KMT2B: variants seen among roughly 807,000 people sequenced by gnomAD.
KMT2B encodes lysine methyltransferase 2B.
In KMT2B, 22 loss-of-function variants were observed where a neutral mutation model predicts 255.3. That is an observed-to-expected ratio of 0.09 (90% CI 0.06 to 0.12). The LOEUF is 0.12. KMT2B is among the 10% of genes least tolerant of loss of function. The pLI, the probability that KMT2B is intolerant of heterozygous loss-of-function variation, is 1.00. For missense variants in KMT2B, 3,149 were observed against 3,737.0 expected (o/e 0.84, Z 4.10); for synonymous variants, 1,730 against 1,498.1 (o/e 1.15, Z -3.57).
At chr19:35,719,599 G>A (rs377578602) in intron 2 of KMT2B, 58 bp downstream of exon 2, 3 of 1,537,708 alleles carry the variant, frequency 2.0e-6, no homozygotes, top group South Asian at 2.3e-5. Context: ...CTCGCCCTTC[G>A]TGTCAGCTCT....
In KMT2B at chr19:35,724,137, A is replaced by G. The variant is rs1332762108; in HGVS notation, c.3334+130A>G. The G allele has an allele frequency of 7.9e-6, 7 of 890,326 alleles. No homozygotes were observed. In the Admixed American group the frequency reaches 8.7e-5, roughly 11 times the overall value. The allele number at this position is 890,326 out of a possible 1,614,324, so 55.2% of individuals were successfully genotyped here. On this transcript the variant is annotated intron_variant, in intron 8 of 36. Coordinates refer to ENST00000420124, the MANE Select transcript of KMT2B (RefSeq NM_014727.3). ...AGAAGGTGGCTGAGGGCGGAGGAGGAGACAGTTTTTAGGTGGATGTACAGA... is the reference window on the plus strand; with the variant it reads ...AGAAGGTGGCTGAGGGCGGAGGAGGGGACAGTTTTTAGGTGGATGTACAGA...
chr19:35,719,823 C>A lies in KMT2B; in HGVS notation c.476C>A (p.Thr159Asn). 6.2e-7 allele frequency: 1 copy of A among 1,608,528 alleles called. No homozygotes were observed. The highest frequency in any genetic ancestry group is 8.5e-7 in the Non-Finnish European group (1 of 1,177,940). ...GGTCGGGGTCGCAAGCATAAGACGA[C>A]CCCCCTTCCTCCTCCTCGCCTAGCA... ...PRGRGRKHKTTPLPPPRLADV... is the reference protein window; with the variant it reads ...PRGRGRKHKTNPLPPPRLADV... The change falls in exon 3 of 37, where the codon ACC becomes AAC. Residue 159 changes from threonine to asparagine, a missense_variant. By Grantham distance (65) the Thr-to-Asn change is moderately conservative. This residue lies in a region of KMT2B where 1,188 missense variants were observed against 1,106.4 expected (regional missense o/e 1.07). Transcript: ENST00000420124.
chr19:35,725,714 A>G lies in KMT2B; in HGVS notation c.3790-9A>G, dbSNP rs1415126519. 6.2e-7 allele frequency: 1 copy of G among 1,612,366 alleles called. No individual in the cohort carries two copies. The highest frequency in any genetic ancestry group is 8.5e-7 in the Non-Finnish European group (1 of 1,179,274). Reference sequence around the variant, plus strand: ...CAGGTTTCGCCATCTCTGTCTCCACATCCAACAGCACCTCCTGGAGTGCGA... The same window carrying G: ...CAGGTTTCGCCATCTCTGTCTCCACGTCCAACAGCACCTCCTGGAGTGCGA... On this transcript the variant is annotated splice_polypyrimidine_tract_variant and intron_variant, in intron 12 of 36. Coordinates refer to ENST00000420124, the MANE Select transcript of KMT2B (RefSeq NM_014727.3). The surrounding 1 kb of genome is among the most constrained non-coding windows in gnomAD (Gnocchi z 4.1).
At position 35,718,300 on chromosome 19, in the gene KMT2B, A is replaced by ACGGGGT. The variant is rs1969035037; in HGVS notation, c.288_293dup (p.Arg99_Gly100dup). On this transcript the variant is annotated inframe_insertion, in exon 1 of 37. Coordinates refer to ENST00000420124, the MANE Select transcript of KMT2B (RefSeq NM_014727.3). This position sits in a 1 kb window ranked among gnomAD's most constrained non-coding sequence, Gnocchi z 5.0. ...GCCCGCGGGTCCAGCGGGGCCGGGG[A>ACGGGGT]CGGGGTCGGGGCCGGGGCTGGGGCC... 6 of 1,228,676 alleles carry ACGGGGT rather than the reference A, an allele frequency of 4.9e-6. No homozygotes were observed. Among genetic ancestry groups the ACGGGGT allele is most frequent in the South Asian group, 4.1e-5 (1 of 24,218 alleles). 76.1% of individuals were successfully genotyped at this position (1,228,676 alleles called of 1,614,324 possible). A position where few individuals can be genotyped will look rare whatever the true frequency, so the allele number is the denominator to read the frequency against.
In KMT2B at chr19:35,732,149, A is replaced by C. The variant is rs750501253; in HGVS notation, c.5665+14A>C. 1.9e-6 allele frequency: 3 copies of C among 1,578,810 alleles called. No homozygotes were observed. In the South Asian group the frequency reaches 3.4e-5, roughly 18 times the overall value. ...TGCCCTCCCCTGGTGAGCACCGGGC[A>C]TGTGGGGGTTGGGGGTGGAGCCGCG... On this transcript the variant is annotated intron_variant, in intron 27 of 36. Coordinates refer to ENST00000420124, the MANE Select transcript of KMT2B (RefSeq NM_014727.3).
At chr19:35,726,376 G>A (rs1969444014) in intron 14 of KMT2B, 23 bp downstream of exon 14, 2 of 1,498,346 alleles carry the variant, frequency 1.3e-6, no homozygotes, top group Non-Finnish European at 1.9e-6. Flanking sequence ...CAGGGGAACT[G>A]GATGCTGGGG....
At position 35,733,584 on chromosome 19, in the gene KMT2B, C is replaced by G; in HGVS notation, c.6960-13C>G. 1 of 1,564,096 alleles carries G rather than the reference C, an allele frequency of 6.4e-7. No homozygotes were observed. The highest frequency in any genetic ancestry group is 8.7e-7 in the Non-Finnish European group (1 of 1,154,476). ...GGAGATGCGGCTCATCCTTCTCGGG[C>G]TCGCCCTCCCAGGTTTAGCCGTGTG... is the stretch of plus-strand genomic sequence containing the variant. On this transcript the variant is annotated splice_polypyrimidine_tract_variant and intron_variant, in intron 28 of 36. Coordinates refer to ENST00000420124, the MANE Select transcript of KMT2B (RefSeq NM_014727.3). This position sits in a 1 kb window ranked among gnomAD's most constrained non-coding sequence, Gnocchi z 4.3.
chr19:35,724,258 T>C (rs906715848), intron 8 of KMT2B, among the ~76,000 whole-genome samples: 3 of 152,148 alleles, frequency 2.0e-5, no homozygotes, highest in African/African-American at 7.2e-5. Flanking sequence ...CCAGCACTTT[T>C]GGGAGGCCAA....
At position 35,738,241 on chromosome 19, in the gene KMT2B, G is replaced by T. The variant is rs375482308; in HGVS notation, c.7873-41G>T. 6.3e-7 allele frequency: 1 copy of T among 1,593,194 alleles called. No individual in the cohort carries two copies. Reference sequence around the variant, plus strand: ...GACAGTGGGTGAAGCGAGCCTGTCCGCGGGGACAGAGCACCTGATCTCCCC... The same window carrying T: ...GACAGTGGGTGAAGCGAGCCTGTCCTCGGGGACAGAGCACCTGATCTCCCC... On this transcript the variant is annotated intron_variant, in intron 36 of 36. Coordinates refer to ENST00000420124, the MANE Select transcript of KMT2B (RefSeq NM_014727.3). The surrounding 1 kb of genome is among the most constrained non-coding windows in gnomAD (Gnocchi z 8.7).
chr19:35,736,166 G>C (rs1302199087), intron 30 of KMT2B: 1 of 154,870 alleles, frequency 6.5e-6, no homozygotes, highest in Non-Finnish European at 1.4e-5. Context: ...CAGGAGAATT[G>C]CCTGAATCTG....
Position 35,723,038 on chromosome 19 carries a change from C to T in KMT2B, c.2766C>T (p.Ser922=), listed in dbSNP as rs780115626. The change falls in exon 6 of 37, where the codon TCC becomes TCT. Residue 922 remains serine (S), a synonymous_variant. Coordinates refer to ENST00000420124, the MANE Select transcript of KMT2B (RefSeq NM_014727.3). This position sits in a 1 kb window ranked among gnomAD's most constrained non-coding sequence, Gnocchi z 7.5. ...ASETESVPSR[S]RRGKVEAAGP... is the part of the protein sequence containing the mutation. The stretch of plus-strand genomic sequence containing the variant: ...AGACTGAGAGTGTCCCGTCACGGTC[C>T]CGGCGGGGAAAGGTGGAGGCAGCAG... 2 of 1,611,492 alleles carry T rather than the reference C, an allele frequency of 1.2e-6. No individual in the cohort carries two copies. Among genetic ancestry groups the T allele is most frequent in the Non-Finnish European group, 8.5e-7 (1 of 1,178,712 alleles).
rs1969804273 is a variant in KMT2B at position 35,733,491 on chromosome 19, A to C, written c.6942A>C (p.Pro2314=). 2 of 1,565,352 alleles carry C rather than the reference A, an allele frequency of 1.3e-6. No individual in the cohort carries two copies. The highest frequency in any genetic ancestry group is 3.8e-5 in the Admixed American group (2 of 52,982). ...CCTCAGAGGATACCCCTCAGGTTCC[A>C]GGGCTTGGCAGTGGCGGGTGAGTGC... ...GEASEDTPQV[P]GLGSGGFSRV... The change falls in exon 28 of 37, where the codon CCA becomes CCC. Residue 2314 remains proline (P), a synonymous_variant. Coordinates refer to ENST00000420124, the MANE Select transcript of KMT2B (RefSeq NM_014727.3). This position sits in a 1 kb window ranked among gnomAD's most constrained non-coding sequence, Gnocchi z 4.3.
At chr19:35,731,614 C>T (rs910849103) in intron 26 of KMT2B, among the ~76,000 whole-genome samples, 1 of 152,166 alleles carries the variant, frequency 6.6e-6, no homozygotes, top group East Asian at 1.9e-4. Flanking sequence ...AGTGGTAGGA[C>T]TGGCCGTGCT....
rs1862052536 is a variant in KMT2B at position 35,730,549 on chromosome 19, A to G, written c.5209A>G (p.Ile1737Val). 3 of 1,613,852 alleles carry G rather than the reference A, an allele frequency of 1.9e-6. No individual in the cohort carries two copies. Among genetic ancestry groups the G allele is most frequent in the Non-Finnish European group, 2.5e-6 (3 of 1,179,860 alleles). The change falls in exon 25 of 37, where the codon ATT becomes GTT. Residue 1737 changes from isoleucine to valine, a missense_variant. Around this residue, in one of 18 missense-constraint regions of KMT2B, gnomAD observed 58 missense variants for 96.9 expected, o/e 0.60. Transcript: ENST00000420124. ...GCTTTGCACCACAGGTTCCATCCGCATTGACTCCCTGGGTACTCTGTCTGA... is the reference window on the plus strand; with the variant it reads ...GCTTTGCACCACAGGTTCCATCCGCGTTGACTCCCTGGGTACTCTGTCTGA... ...AINVLIGSIR[I>V]DSLGTLSDLS... is the part of the protein sequence containing the mutation.
chr19:35,734,156 G>A (rs1191816129), intron 30 of KMT2B, among the ~76,000 whole-genome samples: 2 of 152,162 alleles, frequency 1.3e-5, no homozygotes, highest in African/African-American at 4.8e-5. Context: ...CAGGAGCTGA[G>A]AGAGAGCTTC....
Position 35,723,690 on chromosome 19 carries a change from C to T in KMT2B, c.3059-42C>T, listed in dbSNP as rs1467886735. ...GGCTTCTCTCCCAGTGTCCCATGTC[C>T]CTGGCTGAGCTCAAATCCTACTAAG... On this transcript the variant is annotated intron_variant, in intron 7 of 36. Transcript: ENST00000420124. This position sits in a 1 kb window ranked among gnomAD's most constrained non-coding sequence, Gnocchi z 7.5. The T allele has an allele frequency of 1.3e-6, 2 of 1,495,332 alleles. No individual in the cohort carries two copies. The highest frequency in any genetic ancestry group is 1.8e-6 in the Non-Finnish European group (2 of 1,114,176). 92.6% of individuals were successfully genotyped at this position (1,495,332 alleles called of 1,614,324 possible).
Position 35,728,089 on chromosome 19 carries a change from A to T in KMT2B, c.4498-9A>T. On this transcript the variant is annotated splice_polypyrimidine_tract_variant and intron_variant, in intron 18 of 36. Coordinates refer to ENST00000420124, the MANE Select transcript of KMT2B (RefSeq NM_014727.3). ...CTGGCTCTTCTCATCCTGTTAACCC[A>T]CTCCCCAGCTGCTAGAATCTGCGTT... is the stretch of plus-strand genomic sequence containing the variant. The T allele has an allele frequency of 6.3e-7, 1 of 1,590,712 alleles. No individual in the cohort carries two copies. The highest frequency in any genetic ancestry group is 8.6e-7 in the Non-Finnish European group (1 of 1,169,278).
intron 23 of KMT2B, 99 bp downstream of exon 23, chr19:35,730,224 G>A (rs758705981): frequency 1.9e-6 from 3 of 1,597,748 alleles, no homozygotes; most frequent in Non-Finnish European, 2.6e-6. Flanking sequence ...CTGCCTCTCA[G>A]TGTCTCCTCA....
At position 35,721,640 on chromosome 19, in the gene KMT2B, T is replaced by A; in HGVS notation, c.2293T>A (p.Ser765Thr). The A allele has an allele frequency of 6.2e-7, 1 of 1,611,712 alleles. No homozygotes were observed. The highest frequency in any genetic ancestry group is 2.2e-5 in the East Asian group (1 of 44,858). ...ACAGCCACAGCTGCAGCCACCGCCGTCACCACAGCAGATGCCTCCCCTGGA... is the reference window on the plus strand; with the variant it reads ...ACAGCCACAGCTGCAGCCACCGCCGACACCACAGCAGATGCCTCCCCTGGA... ...PPQPQLQPPP[S>T]PQQMPPLEKA... is the part of the protein sequence containing the mutation. Residue 765 changes from serine (S) to threonine (T), a missense_variant, in exon 3 of 37, where the codon TCA (serine) becomes ACA (threonine). Ser to Thr is a moderately conservative substitution (Grantham distance 58). Transcript: ENST00000420124.
Sources: allele counts gnomAD v4.1 joint callset (sites outside exome capture counted in the v4.1 genomes callset), GRCh38; gene constraint gnomAD v4.1.1; regional missense constraint gnomAD v4.1.1; non-coding constraint Gnocchi (gnomAD v3.1); transcripts MANE v1.5; gene names NCBI Gene and HGNC (gene_info 2026-07-23, HGNC 2026-07-21).